The following CPLANE1 variants were observed in gnomAD, a reference collection of about 807,000 sequenced individuals.
CPLANE1 encodes the protein ciliogenesis and planar polarity effector 1.
In CPLANE1, 263 loss-of-function variants were observed where a neutral mutation model predicts 362.5. The observed-to-expected ratio is 0.73, with a 90% CI of 0.66 to 0.80. CPLANE1 has a LOEUF of 0.80. Among genes scored for constraint, CPLANE1 ranks in the 30% least tolerant of loss-of-function variants. The probability of loss-of-function intolerance (pLI) is 0.00; values close to 1 mark genes in which losing one functional copy is unlikely to be tolerated. For synonymous variants in CPLANE1, 1,212 were observed against 1,302.6 expected (o/e 0.93, Z 1.50); for missense variants, 3,461 against 3,793.4 (o/e 0.91, Z 2.30).
Position 37,106,620 on chromosome 5 carries a change from G to A in CPLANE1, c.*982C>T. The A allele has an allele frequency of 1.3e-5, 5 of 375,846 alleles. No homozygotes were observed. Among genetic ancestry groups the A allele is most frequent in the Non-Finnish European group, 1.8e-5 (5 of 272,848 alleles). 23.3% of individuals were successfully genotyped at this position (375,846 alleles called of 1,614,324 possible). A position where few individuals can be genotyped will look rare whatever the true frequency, so the allele number is the denominator to read the frequency against. ...ACAATTTGGTAAGGAGAGTAGCATT[G>A]TTTTATAGTTCTACAAATCTCTTTA... On this transcript the variant is annotated 3_prime_UTR_variant, in exon 53 of 53. Transcript: ENST00000651892.
chr5:37,165,202 G>T (rs185928059), intron 36 of CPLANE1, among the ~76,000 whole-genome samples: 1 of 152,152 alleles, frequency 6.6e-6, no homozygotes. Flanking sequence ...GAATCTCAGA[G>T]AACGGTGAAA....
Position 37,227,718 on chromosome 5 carries a change from T to C in CPLANE1, c.1221A>G (p.Ser407=). 6.4e-7 allele frequency: 1 copy of C among 1,551,502 alleles called. No homozygotes were observed. Among genetic ancestry groups the C allele is most frequent in the South Asian group, 1.2e-5 (1 of 84,060 alleles). The change falls in exon 10 of 53, where the codon TCA becomes TCG. Residue 407 remains serine, a synonymous_variant. Coordinates refer to ENST00000651892, the MANE Select transcript of CPLANE1 (RefSeq NM_001384732.1). ...MRQRFSIKAH[S]RLPYLVISDG... ...CAGATATAACGAGGTAGGGTAACCG[T>C]GAGTGTGCTTTTATAGAAAATCTCT...
chr5:37,169,241 C>A lies in CPLANE1; in HGVS notation c.6783G>T (p.Trp2261Cys). 1 of 1,614,178 alleles carries A rather than the reference C, an allele frequency of 6.2e-7. No individual in the cohort carries two copies. Among genetic ancestry groups the A allele is most frequent in the Non-Finnish European group, 8.5e-7 (1 of 1,180,036 alleles). The stretch of plus-strand genomic sequence containing the variant: ...CAGGTTGGAAGGAGTCAGATAATCC[C>A]CAAGCCTCTCTTGGTTGTGGCAAAG... Reference protein sequence around the residue: ...FRPLPQPREAWGLSDSFQPAL... With the variant: ...FRPLPQPREACGLSDSFQPAL... The change falls in exon 34 of 53, where the codon TGG becomes TGT. Residue 2261 changes from tryptophan to cysteine, a missense_variant. Around this residue, in one of 2 missense-constraint regions of CPLANE1, gnomAD observed 3,380 missense variants for 3,666.1 expected, o/e 0.92. Transcript: ENST00000651892.
Position 37,106,743 on chromosome 5 carries a change from T to C in CPLANE1, c.*859A>G. On this transcript the variant is annotated 3_prime_UTR_variant, in exon 53 of 53. Coordinates refer to ENST00000651892, the MANE Select transcript of CPLANE1 (RefSeq NM_001384732.1). ...TAAAACCTGGCTTCACACAGGTAGATATTTGGAAAAAGAGGGGTATTTAAT... is the reference window on the plus strand; with the variant it reads ...TAAAACCTGGCTTCACACAGGTAGACATTTGGAAAAAGAGGGGTATTTAAT... 1 of 678,098 alleles carries C rather than the reference T, an allele frequency of 1.5e-6. No homozygotes were observed. The highest frequency in any genetic ancestry group is 1.8e-6 in the Non-Finnish European group (1 of 549,516). 42.0% of individuals were successfully genotyped at this position (678,098 alleles called of 1,614,324 possible).
intron 49 of CPLANE1, among the ~76,000 whole-genome samples, chr5:37,121,287 T>C (rs1233870341): frequency 6.6e-6 from 1 of 151,546 alleles, no homozygotes; most frequent in African/African-American, 2.4e-5. Flanking sequence ...CATGGGAAAA[T>C]AGGATGAGCA....
At chr5:37,225,404 T>C (rs7712984) in intron 12 of CPLANE1, among the ~76,000 whole-genome samples, 23,079 of 151,826 alleles carry the variant, frequency 0.15, 2,063 homozygotes, top group African/African-American at 0.24. Flanking sequence ...CACATGCCAA[T>C]AGGCCTGGCT....
In CPLANE1 at chr5:37,198,722, C is replaced by T. The variant is rs772468592; in HGVS notation, c.3652G>A (p.Ala1218Thr). 1.9e-6 allele frequency: 3 copies of T among 1,613,456 alleles called. No homozygotes were observed. The highest frequency in any genetic ancestry group is 1.1e-5 in the South Asian group (1 of 90,962). ...CATACCTTCTGCATGACTTTTCTTG[C>T]CCACCTCAACTGCAATATATACCAC... is the stretch of plus-strand genomic sequence containing the variant. Reference protein sequence around the residue: ...AQWYILQLRWARKVMQKIRMK... With the variant: ...AQWYILQLRWTRKVMQKIRMK... Residue 1218 changes from alanine to threonine, a missense_variant, in exon 20 of 53, where the codon GCA becomes ACA. Around this residue, in one of 2 missense-constraint regions of CPLANE1, gnomAD observed 3,380 missense variants for 3,666.1 expected, o/e 0.92. Coordinates refer to ENST00000651892, the MANE Select transcript of CPLANE1 (RefSeq NM_001384732.1).
chr5:37,139,499 T>C, intron 44 of CPLANE1, 129 bp from the exon 45 acceptor site: 2 of 1,091,628 alleles, frequency 1.8e-6, no homozygotes, highest in Middle Eastern at 3.4e-4. Context: ...GGTTTATAGA[T>C]ATATATTTAC....
chr5:37,241,361 A>G (rs1355444708), intron 6 of CPLANE1, among the ~76,000 whole-genome samples: 1 of 152,150 alleles, frequency 6.6e-6, no homozygotes, highest in Non-Finnish European at 1.5e-5. Flanking sequence ...AGGCTGAGAC[A>G]GGAGAATCGC....
intron 40 of CPLANE1, 87 bp from the exon 41 acceptor site, chr5:37,157,507 T>C (rs1196202487): frequency 2.6e-6 from 3 of 1,161,576 alleles, no homozygotes; most frequent in South Asian, 2.6e-5. Flanking sequence ...TCTAAACTTC[T>C]AAATAAGGTA....
At chr5:37,139,867 T>G (rs1769131198) in intron 44 of CPLANE1, 1 of 985,594 alleles carries the variant, frequency 1.0e-6, no homozygotes, top group African/African-American at 1.7e-5. Context: ...GATTATTACT[T>G]TTTCTATCCT....
intron 20 of CPLANE1, 139 bp from the exon 21 acceptor site, chr5:37,196,135 A>G (rs928009735): frequency 3.7e-6 from 2 of 545,646 alleles, no homozygotes; most frequent in Non-Finnish European, 2.9e-6. Context: ...ATATTTTCAG[A>G]AACTTACAAA....
chr5:37,212,147 G>A, intron 16 of CPLANE1: 1 of 1,067,268 alleles, frequency 9.4e-7, no homozygotes, highest in South Asian at 1.3e-5. Flanking sequence ...AATCACTGAA[G>A]ATTGAAATGG....
chr5:37,241,528 C>T (rs1235505432), intron 6 of CPLANE1, among the ~76,000 whole-genome samples: 2 of 152,056 alleles, frequency 1.3e-5, no homozygotes, highest in Non-Finnish European at 2.9e-5. Context: ...GGGATAGTAT[C>T]AATGTTCTAT....
Position 37,215,212 on chromosome 5 carries a change from G to A in CPLANE1, c.2747-1480C>T, listed in dbSNP as rs559405129. Among the ~76,000 whole-genome samples, 20 of 152,144 alleles carry A rather than the reference G, an allele frequency of 1.3e-4. 1 individual carries two copies. In the South Asian group the frequency reaches 3.7e-3, roughly 28 times the overall value. On this transcript the variant is annotated intron_variant, in intron 15 of 52. Transcript: ENST00000651892. ...TTATAGGCACGTGCCACCACGCCCG[G>A]CTAATTTTGTATTTTTAGTAGAGAC...
the CPLANE1 span, among the ~76,000 whole-genome samples, chr5:37,093,225 G>A: frequency 5.3e-5 from 8 of 152,136 alleles, 1 homozygote; most frequent in Admixed American, 6.5e-5. Flanking sequence ...GGCCAAAAAC[G>A]TGTCTAATGA....
intron 50 of CPLANE1, among the ~76,000 whole-genome samples, chr5:37,117,363 A>G (rs1049094074): frequency 6.6e-6 from 1 of 151,336 alleles, no homozygotes; most frequent in Non-Finnish European, 1.5e-5. Context: ...TAGTGCTTCA[A>G]GAGGGACATA....
At chr5:37,076,436 C>T in the CPLANE1 span, among the ~76,000 whole-genome samples, 1 of 152,062 alleles carries the variant, frequency 6.6e-6, no homozygotes, top group Non-Finnish European at 1.5e-5. Flanking sequence ...CTTAGCCTCC[C>T]GAATAGCTGG....
At chr5:37,127,611 C>T (rs182381358) in intron 46 of CPLANE1, among the ~76,000 whole-genome samples, 23 of 150,110 alleles carry the variant, frequency 1.5e-4, no homozygotes, top group Non-Finnish European at 3.0e-4. Context: ...CTCTGCCTCC[C>T]GGGTTTAAGC....
Sources: allele counts gnomAD v4.1 joint callset (sites outside exome capture counted in the v4.1 genomes callset), GRCh38; gene constraint gnomAD v4.1.1; regional missense constraint gnomAD v4.1.1; transcripts MANE v1.5; gene names NCBI Gene and HGNC (gene_info 2026-07-23, HGNC 2026-07-21).